The following DUS2 variants were observed in gnomAD, a reference collection of about 807,000 sequenced individuals.
DUS2 encodes dihydrouridine synthase 2, also known as tRNA-dihydrouridine(20) synthase [NAD(P)+]-like.
Under a neutral mutation model 71.3 loss-of-function variants are expected in DUS2, and 52 were observed. The observed-to-expected ratio is 0.73, with a 90% CI of 0.58 to 0.92. The LOEUF is 0.92. Among genes scored for constraint, DUS2 ranks in the 40% least tolerant of loss-of-function variants. The probability of loss-of-function intolerance (pLI) is 0.00; values close to 1 mark genes in which losing one functional copy is unlikely to be tolerated. For missense variants in DUS2, 558 were observed against 622.6 expected (o/e 0.90, Z 1.10); for synonymous variants, 204 against 227.8 (o/e 0.90, Z 0.94).
At chr16:68,057,051 TATATATATGTA>T (rs1282300308) in intron 7 of DUS2, among the ~76,000 whole-genome samples, 2 of 129,816 alleles carry the variant, frequency 1.5e-5, no homozygotes, top group Admixed American at 8.6e-5. Flanking sequence ...TATATATTTA[TATATATATGTA>T]ATATATATGT....
chr16:68,028,489 A>T (rs1168315062), intron 2 of DUS2, among the ~76,000 whole-genome samples: 1 of 151,994 alleles, frequency 6.6e-6, no homozygotes, highest in Non-Finnish European at 1.5e-5. Context: ...AATACAAAAA[A>T]TTAGCTGGGC....
chr16:68,070,825 G>C, intron 11 of DUS2, 115 bp from the exon 12 acceptor site: 1 of 1,087,828 alleles, frequency 9.2e-7, no homozygotes, highest in Non-Finnish European at 1.3e-6. Flanking sequence ...GATAGCTGAA[G>C]GGACTTGGCC....
intron 6 of DUS2, 71 bp from the exon 7 acceptor site, chr16:68,056,293 C>G: frequency 7.4e-7 from 1 of 1,349,820 alleles, no homozygotes; most frequent in South Asian, 1.2e-5. Context: ...ACAGGCCCAT[C>G]CATGCCTTTA....
chr16:68,070,054 G>A, intron 10 of DUS2, 80 bp from the exon 11 acceptor site: 1 of 1,303,162 alleles, frequency 7.7e-7, no homozygotes, highest in East Asian at 2.3e-5. Flanking sequence ...AGGACAGTAA[G>A]GTTTGGCTGA....
At chr16:68,041,694 C>T (rs2033626916) in intron 3 of DUS2, among the ~76,000 whole-genome samples, 1 of 151,830 alleles carries the variant, frequency 6.6e-6, no homozygotes, top group African/African-American at 2.4e-5. Context: ...CACCTGTAAT[C>T]CCAGCTACTT....
chr16:68,059,627 C>G (rs529547432), intron 7 of DUS2, among the ~76,000 whole-genome samples: 2 of 152,322 alleles, frequency 1.3e-5, no homozygotes, highest in African/African-American at 4.8e-5. Flanking sequence ...AATGTTCTCT[C>G]TGATTCCAAT....
intron 2 of DUS2, among the ~76,000 whole-genome samples, chr16:68,031,335 T>C (rs1410436295): frequency 6.6e-6 from 1 of 152,082 alleles, no homozygotes; most frequent in Admixed American, 6.6e-5. Context: ...CAGCTAATTT[T>C]TGTATTTTTA....
At chr16:68,026,082 C>T (rs1253092951) in intron 2 of DUS2, among the ~76,000 whole-genome samples, 1 of 152,138 alleles carries the variant, frequency 6.6e-6, no homozygotes, top group Non-Finnish European at 1.5e-5. Flanking sequence ...CCTCTGCCTC[C>T]CAGGTTCAAG....
At chr16:68,063,912 G>C (rs2033973233) in intron 8 of DUS2, among the ~76,000 whole-genome samples, 1 of 152,042 alleles carries the variant, frequency 6.6e-6, no homozygotes, top group South Asian at 2.1e-4. Flanking sequence ...TAGTAGGTAC[G>C]GGGTTTCACC....
At chr16:68,060,862 A>G (rs1384000802) in intron 7 of DUS2, among the ~76,000 whole-genome samples, 2 of 152,028 alleles carry the variant, frequency 1.3e-5, no homozygotes, top group African/African-American at 4.8e-5. Context: ...AAAAAAGAAA[A>G]AAAATTATCA....
chr16:68,037,391 C>T (rs2033546768), intron 2 of DUS2, among the ~76,000 whole-genome samples: 1 of 151,276 alleles, frequency 6.6e-6, no homozygotes, highest in South Asian at 2.1e-4. Flanking sequence ...CAAGACCAGC[C>T]TGGCCAATGT....
intron 15 of DUS2, chr16:68,078,044 A>G: frequency 8.1e-6 from 2 of 246,672 alleles, no homozygotes; most frequent in South Asian, 5.6e-5. Context: ...TTCCAGTTTC[A>G]TCCCTGCAGC....
At chr16:68,029,053 A>T (rs545576569) in intron 2 of DUS2, among the ~76,000 whole-genome samples, 3 of 151,988 alleles carry the variant, frequency 2.0e-5, no homozygotes, top group Non-Finnish European at 2.9e-5. Flanking sequence ...TTTAAACACA[A>T]AATTAGCTAG....
chr16:68,049,988 A>G (rs1453181824), intron 4 of DUS2, among the ~76,000 whole-genome samples: 1 of 152,214 alleles, frequency 6.6e-6, no homozygotes, highest in Non-Finnish European at 1.5e-5. Context: ...AAGATAAGGT[A>G]CATGTAAGTA....
intron 1 of DUS2, among the ~76,000 whole-genome samples, chr16:68,024,250 C>G (rs749795721): frequency 3.3e-5 from 5 of 152,034 alleles, no homozygotes; most frequent in Non-Finnish European, 5.9e-5. Flanking sequence ...CCGTACACCA[C>G]CCACGCCCGG....
At chr16:68,034,145 G>A (rs1470269881) in intron 2 of DUS2, among the ~76,000 whole-genome samples, 1 of 151,866 alleles carries the variant, frequency 6.6e-6, no homozygotes, top group Non-Finnish European at 1.5e-5. Context: ...AGCTCAGCTC[G>A]GCAACCTCTG....
chr16:68,061,342 G>A lies in DUS2; in HGVS notation c.417+229G>A, dbSNP rs540969294. ...GATGTTCCTAAAAAGCCCAGAGCAA[G>A]AGACATGTCAATGAAGAGCCAGGGG... On this transcript the variant is annotated intron_variant, in intron 8 of 16. Coordinates refer to ENST00000565263, the MANE Select transcript of DUS2 (RefSeq NM_017803.5). Among the ~76,000 whole-genome samples, 8 of 152,316 alleles carry A rather than the reference G, an allele frequency of 5.3e-5. No individual in the cohort carries two copies. In the South Asian group the frequency reaches 1.7e-3, roughly 32 times the overall value.
intron 10 of DUS2, 31 bp downstream of exon 10, chr16:68,066,667 G>A (rs755328478): frequency 6.2e-7 from 1 of 1,609,156 alleles, no homozygotes; most frequent in South Asian, 1.1e-5. Context: ...TGACTGGCAG[G>A]GAGGTCCTAA....
At position 68,023,918 on chromosome 16, in the gene DUS2, C is replaced by T. The variant is rs369435623; in HGVS notation, c.-99+567C>T. The T allele has an allele frequency of 1.8e-5, 3 of 167,226 alleles. No homozygotes were observed. The East Asian group carries it at 5.8e-4, about 32-fold the overall frequency. The allele number at this position is 167,226 out of a possible 1,614,324, so 10.4% of individuals were successfully genotyped here. A position where few individuals can be genotyped will look rare whatever the true frequency, so the allele number is the denominator to read the frequency against. Reference sequence around the variant, plus strand: ...TCCAGAACCCACCCCTCTTGCAGCCCGCTCAGCTCCACTGGCTTCCCCGTC... The same window carrying T: ...TCCAGAACCCACCCCTCTTGCAGCCTGCTCAGCTCCACTGGCTTCCCCGTC... On this transcript the variant is annotated intron_variant, in intron 1 of 16. Coordinates refer to ENST00000565263, the MANE Select transcript of DUS2 (RefSeq NM_017803.5).
Sources: allele counts gnomAD v4.1 joint callset (sites outside exome capture counted in the v4.1 genomes callset), GRCh38; gene constraint gnomAD v4.1.1; transcripts MANE v1.5; gene names NCBI Gene and HGNC (gene_info 2026-07-23, HGNC 2026-07-21).